The following DCC variants were observed in gnomAD, a reference collection of about 807,000 sequenced individuals.
DCC encodes the protein DCC netrin 1 receptor, also known as netrin receptor DCC.
Under a neutral mutation model 172.5 loss-of-function variants are expected in DCC, and 58 were observed. That is an observed-to-expected ratio of 0.34 (90% CI 0.27 to 0.42). The LOEUF is 0.42. Ranked by LOEUF, DCC falls within the 10% of genes least tolerant of loss-of-function variation. The probability of loss-of-function intolerance (pLI) is 1.00; values close to 1 mark genes in which losing one functional copy is unlikely to be tolerated. For missense variants in DCC, 1,740 were observed against 1,791.0 expected (o/e 0.97, Z 0.51); for synonymous variants, 709 against 644.5 (o/e 1.10, Z -1.52).
chr18:52,962,017 C>G (rs1403226997), intron 5 of DCC, among the ~76,000 whole-genome samples: 2 of 152,082 alleles, frequency 1.3e-5, no homozygotes, highest in African/African-American at 4.8e-5. Flanking sequence ...AGAAGAAACC[C>G]TAGGCAATAC....
intron 7 of DCC, among the ~76,000 whole-genome samples, chr18:53,130,477 T>C (rs2043634896): frequency 6.6e-6 from 1 of 152,144 alleles, no homozygotes; most frequent in Non-Finnish European, 1.5e-5. Flanking sequence ...CTTCCTTTTC[T>C]GTGGATTTGT....
In DCC at chr18:53,069,517, G is replaced by A. The variant is rs764999260; in HGVS notation, c.1261+3351G>A. On this transcript the variant is annotated intron_variant, in intron 7 of 28. Coordinates refer to ENST00000442544, the MANE Select transcript of DCC (RefSeq NM_005215.4). ...GATGGAGCTGAGCTAGGAGGGTGGC[G>A]CAGGTCAGCCAGAGAGTGCTTTGCC... is the stretch of plus-strand genomic sequence containing the variant. Among the ~76,000 whole-genome samples the A allele has an allele frequency of 3.3e-5, 5 of 152,024 alleles. No homozygotes were observed. The Middle Eastern group carries it at 0.01, about 310-fold the overall frequency.
At chr18:52,533,546 C>T (rs1000546344) in intron 1 of DCC, among the ~76,000 whole-genome samples, 9 of 152,024 alleles carry the variant, frequency 5.9e-5, no homozygotes, top group African/African-American at 1.9e-4. Flanking sequence ...TCCCAGAGAC[C>T]ATCCAGGTGG....
At chr18:52,920,533 A>C (rs866813324) in intron 3 of DCC, among the ~76,000 whole-genome samples, 4 of 151,012 alleles carry the variant, frequency 2.6e-5, no homozygotes, top group African/African-American at 9.8e-5. Context: ...TACAAAAAAA[A>C]TAATGGCAAT....
At chr18:52,709,728 A>T (rs2145052473) in intron 1 of DCC, among the ~76,000 whole-genome samples, 1 of 152,348 alleles carries the variant, frequency 6.6e-6, no homozygotes, top group African/African-American at 2.4e-5. Flanking sequence ...TATGCAGCAA[A>T]ATTACTATAA....
intron 7 of DCC, among the ~76,000 whole-genome samples, chr18:53,121,109 C>A (rs1229320270): frequency 6.6e-6 from 1 of 151,648 alleles, no homozygotes; most frequent in Non-Finnish European, 1.5e-5. Context: ...TAGTGAGATG[C>A]CATAAAGCCA....
At chr18:53,305,993 A>G (rs989775809) in intron 13 of DCC, among the ~76,000 whole-genome samples, 1 of 152,228 alleles carries the variant, frequency 6.6e-6, no homozygotes, top group South Asian at 2.1e-4. Flanking sequence ...CAACAAAAGC[A>G]TCTGTTATCT....
intron 12 of DCC, among the ~76,000 whole-genome samples, chr18:53,258,590 T>G (rs900888446): frequency 1.3e-5 from 2 of 152,208 alleles, no homozygotes; most frequent in Admixed American, 6.5e-5. Context: ...TTTGTTATAA[T>G]TTCTGTTCTT....
At chr18:52,820,718 G>A (rs368013793) in intron 2 of DCC, among the ~76,000 whole-genome samples, 3 of 152,130 alleles carry the variant, frequency 2.0e-5, no homozygotes, top group East Asian at 3.9e-4. Context: ...AGAGAAGAGA[G>A]GTGATACATC....
At chr18:52,378,924 G>A (rs1446761503) in intron 1 of DCC, among the ~76,000 whole-genome samples, 1 of 152,128 alleles carries the variant, frequency 6.6e-6, no homozygotes. Flanking sequence ...TCCCTCTTCA[G>A]AGAGAAAAAT....
chr18:52,677,251 C>T (rs1599010851), intron 1 of DCC, among the ~76,000 whole-genome samples: 1 of 152,176 alleles, frequency 6.6e-6, no homozygotes, highest in African/African-American at 2.4e-5. Context: ...AGAGCTAATA[C>T]AGAGTGAATT....
intron 2 of DCC, among the ~76,000 whole-genome samples, chr18:52,889,338 G>A (rs1281597382): frequency 6.6e-6 from 1 of 152,092 alleles, no homozygotes; most frequent in East Asian, 1.9e-4. Flanking sequence ...GATAGTAGAT[G>A]AGTATGGAAG....
chr18:53,124,353 A>G (rs1368033469), intron 7 of DCC, among the ~76,000 whole-genome samples: 2 of 152,086 alleles, frequency 1.3e-5, no homozygotes, highest in Admixed American at 6.6e-5. Context: ...AACTGTATAC[A>G]TAATAAACAG....
Position 52,402,361 on chromosome 18 carries a change from A to G in DCC, c.91+61483A>G, listed in dbSNP as rs147104402. Among the ~76,000 whole-genome samples the G allele has an allele frequency of 1.7e-3, 260 of 152,040 alleles. 1 individual carries two copies. The highest frequency in any genetic ancestry group is 1.5e-3 in the Non-Finnish European group (105 of 67,946). On this transcript the variant is annotated intron_variant, in intron 1 of 28. Coordinates refer to ENST00000442544, the MANE Select transcript of DCC (RefSeq NM_005215.4). ...GCATTTGAGTAAGTAATGTGTAGAC[A>G]TGGGCCTCTATCGCATGTTTTCAAC... is the stretch of plus-strand genomic sequence containing the variant.
At chr18:52,556,318 T>C (rs1241555208) in intron 1 of DCC, among the ~76,000 whole-genome samples, 1 of 152,138 alleles carries the variant, frequency 6.6e-6, no homozygotes, top group Non-Finnish European at 1.5e-5. Flanking sequence ...TGGTAGTTTG[T>C]ACTAGAACCC....
chr18:53,355,675 G>T (rs530665034), intron 15 of DCC, among the ~76,000 whole-genome samples: 1 of 152,288 alleles, frequency 6.6e-6, no homozygotes, highest in Admixed American at 6.5e-5. Context: ...TTGGGGCTGA[G>T]ACAATGGGGT....
intron 5 of DCC, among the ~76,000 whole-genome samples, chr18:52,967,756 G>A (rs909335785): frequency 1.3e-5 from 2 of 151,876 alleles, no homozygotes; most frequent in Non-Finnish European, 2.9e-5. Flanking sequence ...AAATATATTC[G>A]GTATATTTAT....
At chr18:53,349,120 A>G (rs1471279962) in intron 15 of DCC, among the ~76,000 whole-genome samples, 1 of 152,166 alleles carries the variant, frequency 6.6e-6, no homozygotes, top group Non-Finnish European at 1.5e-5. Context: ...CTTTAATGGC[A>G]CCAAAGTCAC....
At chr18:52,472,762 G>A (rs1294695775) in intron 1 of DCC, among the ~76,000 whole-genome samples, 4 of 152,048 alleles carry the variant, frequency 2.6e-5, no homozygotes, top group South Asian at 2.1e-4. Flanking sequence ...AAAATTAGCC[G>A]GGTAAGGTGG....
Sources: allele counts gnomAD v4.1 joint callset (sites outside exome capture counted in the v4.1 genomes callset), GRCh38; gene constraint gnomAD v4.1.1; transcripts MANE v1.5; gene names NCBI Gene and HGNC (gene_info 2026-07-23, HGNC 2026-07-21).